The following KHDC4 variants were observed in gnomAD, a reference collection of about 807,000 sequenced individuals.
KHDC4 encodes KH domain containing 4, pre-mRNA splicing factor.
In KHDC4, 19 loss-of-function variants were observed where a neutral mutation model predicts 74.5. That is an observed-to-expected ratio of 0.26 (90% CI 0.18 to 0.37). KHDC4 has a LOEUF of 0.37. Ranked by LOEUF, KHDC4 falls within the 10% of genes least tolerant of loss-of-function variation. The pLI, the probability that KHDC4 is intolerant of heterozygous loss-of-function variation, is 1.00. For synonymous variants in KHDC4, 253 were observed against 266.1 expected (o/e 0.95, Z 0.48); for missense variants, 632 against 754.1 (o/e 0.84, Z 1.90).
At position 155,917,668 on chromosome 1, in the gene KHDC4, G is replaced by A. The variant is rs745737785; in HGVS notation, c.1271C>T (p.Pro424Leu). ...VQPPASTGQS[P>L]MGGPFIPAAP... ...AGCAGGAATAAAAGGACCACCCATC[G>A]GACTCTGGGACCAAAACAAACCAAG... Residue 424 changes from proline (P) to leucine (L), a missense_variant, in exon 11 of 14, where the codon CCG (proline) becomes CTG (leucine). Around this residue, in one of 4 missense-constraint regions of KHDC4, gnomAD observed 254 missense variants for 267.4 expected, o/e 0.95. Transcript: ENST00000368321. The A allele has an allele frequency of 3.7e-5, 57 of 1,530,348 alleles. No homozygotes were observed. Among genetic ancestry groups the A allele is most frequent in the African/African-American group, 7.0e-5 (5 of 71,344 alleles). The allele number at this position is 1,530,348 out of a possible 1,614,324, so 94.8% of individuals were successfully genotyped here.
chr1:155,933,787 G>A lies in KHDC4; in HGVS notation c.101C>T (p.Pro34Leu), dbSNP rs937080540. 7 of 1,596,012 alleles carry A rather than the reference G, an allele frequency of 4.4e-6. No homozygotes were observed. Among genetic ancestry groups the A allele is most frequent in the Non-Finnish European group, 6.0e-6 (7 of 1,169,734 alleles). The change falls in exon 2 of 14, where the codon CCA (proline) becomes CTA (leucine). Residue 34 changes from proline to leucine, a missense_variant. By Grantham distance (98) the Pro-to-Leu change is moderately conservative (BLOSUM62 -3). This residue lies in a region of KHDC4 where 104 missense variants were observed against 78.1 expected (regional missense o/e 1.33). Transcript: ENST00000368321. Reference sequence around the variant, plus strand: ...CCCACTGCTGGTGACCTCCCCACCTGGGGCCGCTGGCGGGAGGAAGAGAAG... The same window carrying A: ...CCCACTGCTGGTGACCTCCCCACCTAGGGCCGCTGGCGGGAGGAAGAGAAG... ...APLLFLPPAAPGGEVTSSGGS... is the reference protein window; with the variant it reads ...APLLFLPPAALGGEVTSSGGS...
chr1:155,922,648 T>C (rs1338068397), intron 8 of KHDC4, among the ~76,000 whole-genome samples: 2 of 152,154 alleles, frequency 1.3e-5, no homozygotes, highest in South Asian at 2.1e-4. Context: ...CTGGGTGACT[T>C]TTCCTCAAGG....
chr1:155,919,277 C>T (rs779287432), intron 10 of KHDC4, among the ~76,000 whole-genome samples: 6 of 152,090 alleles, frequency 3.9e-5, no homozygotes, highest in Non-Finnish European at 7.4e-5. Context: ...CCTTAACTCC[C>T]TGCTTTTAAC....
intron 4 of KHDC4, among the ~76,000 whole-genome samples, chr1:155,928,642 C>T (rs1460942667): frequency 2.1e-5 from 3 of 145,774 alleles, no homozygotes; most frequent in Admixed American, 2.1e-4. Context: ...GAACTATTTC[C>T]ACAGAAAAAA....
chr1:155,926,177 T>A (rs1673990026), intron 6 of KHDC4: 1 of 463,114 alleles, frequency 2.2e-6, no homozygotes. Flanking sequence ...CTTTCTAGAA[T>A]ATATCAATAT....
chr1:155,926,004 C>A (rs536466961), intron 6 of KHDC4, 161 bp from the exon 7 acceptor site: 3 of 774,212 alleles, frequency 3.9e-6, no homozygotes, highest in East Asian at 4.9e-5. Context: ...TCAGTGAAGG[C>A]TGCTCTCTCC....
intron 4 of KHDC4, among the ~76,000 whole-genome samples, chr1:155,927,463 T>C (rs563214523): frequency 2.0e-5 from 3 of 152,300 alleles, no homozygotes; most frequent in African/African-American, 4.8e-5. Context: ...AATTCCTTTT[T>C]GCTGGTTGTC....
intron 1 of KHDC4, among the ~76,000 whole-genome samples, 191 bp downstream of exon 1, chr1:155,934,145 G>A (rs1674202448): frequency 6.6e-6 from 1 of 151,906 alleles, no homozygotes; most frequent in African/African-American, 2.4e-5. Flanking sequence ...AAAAGTCCCC[G>A]TTTGCCTCCT....
chr1:155,916,930 A>T, intron 11 of KHDC4, 193 bp from the exon 12 acceptor site: 1 of 477,842 alleles, frequency 2.1e-6, no homozygotes, highest in Non-Finnish European at 3.7e-6. Context: ...TAGGACTTGG[A>T]CAGGGGTGTT....
intron 4 of KHDC4, among the ~76,000 whole-genome samples, chr1:155,928,593 CAAAAAAAA>C (rs10555758): frequency 1.1e-5 from 1 of 89,332 alleles, no homozygotes; most frequent in African/African-American, 4.3e-5. Flanking sequence ...ATCATAAAGA[CAAAAAAAA>C]AAAAAAAAAA....
intron 13 of KHDC4, chr1:155,915,321 A>C (rs4661220): frequency 6.6e-6 from 1 of 152,050 alleles, no homozygotes. Context: ...GGGTTTCACC[A>C]TGTTAGCCAC....
At chr1:155,928,690 C>T (rs914971812) in intron 4 of KHDC4, among the ~76,000 whole-genome samples, 3 of 150,190 alleles carry the variant, frequency 2.0e-5, no homozygotes, top group Admixed American at 6.6e-5. Flanking sequence ...TGGTGGCTCA[C>T]GCCTGTAATC....
intron 10 of KHDC4, among the ~76,000 whole-genome samples, chr1:155,918,971 G>GTTTTTTTTTTTTTT (rs66693073): frequency 9.3e-6 from 1 of 107,444 alleles, no homozygotes; most frequent in Non-Finnish European, 1.8e-5. Flanking sequence ...CTAACTCCCA[G>GTTTTTTTTTTTTTT]TTTTTTTTTT....
At chr1:155,934,216 A>G (rs908830999) in intron 1 of KHDC4, 120 bp downstream of exon 1, 7 of 1,085,040 alleles carry the variant, frequency 6.5e-6, no homozygotes, top group Non-Finnish European at 9.3e-6. Context: ...TTCTCCCCAA[A>G]CGTCCAGCCC....
At position 155,927,832 on chromosome 1, in the gene KHDC4, CCA is replaced by C. The variant is rs199711249; in HGVS notation, c.465-678_465-677del. The stretch of plus-strand genomic sequence containing the variant: ...AAAAAAAAAAAAAAAAAAAAAAAAA[CCA>C]CACACACACACACACACACACACAC... On this transcript the variant is annotated intron_variant, in intron 4 of 13. Coordinates refer to ENST00000368321, the MANE Select transcript of KHDC4 (RefSeq NM_014949.4). 9.6e-3 allele frequency among the ~76,000 whole-genome samples: 874 copies of C among 90,910 alleles called. 22 individuals carry two copies. Among genetic ancestry groups the C allele is most frequent in the African/African-American group, 0.042 (797 of 19,204 alleles). 59.6% of individuals were successfully genotyped at this position (90,910 alleles called of 152,430 possible).
At chr1:155,928,461 A>G (rs1674069999) in intron 4 of KHDC4, among the ~76,000 whole-genome samples, 1 of 152,160 alleles carries the variant, frequency 6.6e-6, no homozygotes, top group African/African-American at 2.4e-5. Context: ...AGCTAATGTT[A>G]AAAATGTTGC....
rs1456546414 is a variant in KHDC4 at position 155,917,510 on chromosome 1, G to A, written c.1429C>T (p.Leu477Phe). The part of the protein sequence containing the change: ...ELPDERESGL[L>F]GYQHGPIHMT... ...GTATTTTATTTAACCTGGTATCCAA[G>A]CAGTCCAGATTCCCGTTCATCTGGT... Residue 477 changes from leucine to phenylalanine, a missense_variant, in exon 11 of 14, where the codon CTT (leucine) becomes TTT (phenylalanine). Physicochemically the swap from Leu to Phe is conservative, Grantham distance 22. Around this residue, in one of 4 missense-constraint regions of KHDC4, gnomAD observed 254 missense variants for 267.4 expected, o/e 0.95. Coordinates refer to ENST00000368321, the MANE Select transcript of KHDC4 (RefSeq NM_014949.4). 3.7e-6 allele frequency: 6 copies of A among 1,611,236 alleles called. No homozygotes were observed. The highest frequency in any genetic ancestry group is 1.7e-4 in the Middle Eastern group (1 of 5,976).
Position 155,921,812 on chromosome 1 carries a change from A to G in KHDC4, c.1012+49T>C, listed in dbSNP as rs191783550. ...CTAGCCTCAAGTATCATAGTTACAC[A>G]TAACTATCACTAGCAAAATATTTTT... On this transcript the variant is annotated intron_variant, in intron 9 of 13. Coordinates refer to ENST00000368321, the MANE Select transcript of KHDC4 (RefSeq NM_014949.4). The G allele has an allele frequency of 2.6e-4, 376 of 1,436,370 alleles. No individual in the cohort carries two copies. The African/African-American group carries it at 4.4e-3, about 17-fold the overall frequency. The allele number at this position is 1,436,370 out of a possible 1,614,324, so 89.0% of individuals were successfully genotyped here.
At chr1:155,926,632 T>C (rs1674006720) in intron 6 of KHDC4, 44 bp downstream of exon 6, 1 of 1,600,788 alleles carries the variant, frequency 6.2e-7, no homozygotes, top group East Asian at 2.2e-5. Context: ...ATATCATTTT[T>C]ATAGAAATGA....
Sources: gnomAD v4.1 joint callset for allele counts (sites outside exome capture counted in the v4.1 genomes callset) on GRCh38, gnomAD v4.1.1 for gene constraint, gnomAD v4.1.1 regional missense constraint, MANE v1.5 for transcripts, NCBI Gene and HGNC (gene_info 2026-07-23, HGNC 2026-07-21) for gene names.